ANXA3: variants seen among roughly 807,000 people sequenced by gnomAD.
ANXA3 encodes annexin A3, also known as 35-alpha calcimedin.
Under a neutral mutation model 48.8 loss-of-function variants are expected in ANXA3, and 46 were observed. That is an observed-to-expected ratio of 0.94 (90% CI 0.74 to 1.21). The LOEUF (loss-of-function observed/expected upper bound fraction) is 1.21, where lower values mean the gene tolerates loss of function less well. Among genes scored for constraint, ANXA3 ranks in the 50% most tolerant of loss-of-function variants. The pLI is 0.00. For missense variants in ANXA3, 383 were observed against 378.6 expected (o/e 1.01, Z -0.10); for synonymous variants, 128 against 134.7 (o/e 0.95, Z 0.35).
In ANXA3 at chr4:78,566,963, G is replaced by A. The variant is rs572369479; in HGVS notation, c.16-6217G>A. ...CCTGGCATATCTCAGGGATCCCAGC[G>A]TCTGCCAGTCTTGCCTGCTGTGGAC... On this transcript the variant is annotated intron_variant, in intron 2 of 12. Transcript: ENST00000264908. Among the ~76,000 whole-genome samples the A allele has an allele frequency of 4.3e-4, 65 of 152,284 alleles. No individual in the cohort carries two copies. The South Asian group carries it at 4.3e-3, about 10-fold the overall frequency.
intron 3 of ANXA3, among the ~76,000 whole-genome samples, chr4:78,574,467 T>A (rs776014914): frequency 2.0e-5 from 3 of 152,106 alleles, no homozygotes; most frequent in East Asian, 1.9e-4. Flanking sequence ...TCCCGTCAGT[T>A]CTTCCTGGAT....
chr4:78,579,347 G>T (rs932628640), intron 4 of ANXA3, among the ~76,000 whole-genome samples: 3 of 152,138 alleles, frequency 2.0e-5, no homozygotes, highest in Admixed American at 1.3e-4. Context: ...TCACCTGTAG[G>T]ATAAGGTTTG....
At chr4:78,608,769 T>G (rs1723701294) in intron 12 of ANXA3, among the ~76,000 whole-genome samples, 1 of 152,118 alleles carries the variant, frequency 6.6e-6, no homozygotes, top group African/African-American at 2.4e-5. Flanking sequence ...GGGGGGAGGT[T>G]TATGAGTTTG....
intron 10 of ANXA3, among the ~76,000 whole-genome samples, chr4:78,599,324 A>G (rs1723491503): frequency 6.6e-6 from 1 of 152,148 alleles, no homozygotes; most frequent in Non-Finnish European, 1.5e-5. Context: ...TCATTAATCT[A>G]CTTTCTGTCT....
chr4:78,586,965 A>G (rs1247574050), intron 6 of ANXA3, among the ~76,000 whole-genome samples: 1 of 152,208 alleles, frequency 6.6e-6, no homozygotes, highest in Non-Finnish European at 1.5e-5. Flanking sequence ...CCAGCTGGCT[A>G]CAAATTCAGG....
intron 2 of ANXA3, among the ~76,000 whole-genome samples, chr4:78,556,406 T>A (rs1722511482): frequency 6.6e-6 from 1 of 151,894 alleles, no homozygotes; most frequent in South Asian, 2.1e-4. Context: ...AAATAAAAAA[T>A]TTACGGAAAG....
chr4:78,565,420 A>G (rs1178412758), intron 2 of ANXA3, among the ~76,000 whole-genome samples: 1 of 152,228 alleles, frequency 6.6e-6, no homozygotes, highest in Non-Finnish European at 1.5e-5. Context: ...AGCAGGAGCA[A>G]AGAACCTGGG....
rs1220106430 is a variant in ANXA3, at chr4:78,578,298, CGAGAGA to C, written c.104-702_104-697del. Among the ~76,000 whole-genome samples the C allele has an allele frequency of 8.8e-4, 41 of 46,522 alleles. 1 individual carries two copies. Among genetic ancestry groups the C allele is most frequent in the Admixed American group, 3.0e-3 (10 of 3,374 alleles). The allele number at this position is 46,522 out of a possible 152,430, so 30.5% of individuals were successfully genotyped here. ...GAAAGGGCGAAGGGGAGAGAGAGAGCGAGAGAGAGAGAGAGAGAGAGAGAGAGAGAG... is the reference window on the plus strand; with the variant it reads ...GAAAGGGCGAAGGGGAGAGAGAGAGCGAGAGAGAGAGAGAGAGAGAGAGAG... On this transcript the variant is annotated intron_variant, in intron 3 of 12. Transcript: ENST00000264908.
chr4:78,554,429 T>G lies in ANXA3; in HGVS notation c.-38-7T>G. The stretch of plus-strand genomic sequence containing the variant: ...GATACCATTTACTAATTGTTTTCTT[T>G]TAATAGATTAGTGTGATCTCAGCTC... On this transcript the variant is annotated splice_region_variant and splice_polypyrimidine_tract_variant and intron_variant, in intron 1 of 12. Coordinates refer to ENST00000264908, the MANE Select transcript of ANXA3 (RefSeq NM_005139.3). The G allele has an allele frequency of 6.3e-7, 1 of 1,583,340 alleles. No homozygotes were observed. Among genetic ancestry groups the G allele is most frequent in the South Asian group, 1.1e-5 (1 of 90,530 alleles).
chr4:78,584,436 A>C (rs1723131907), intron 5 of ANXA3, among the ~76,000 whole-genome samples: 1 of 151,974 alleles, frequency 6.6e-6, no homozygotes, highest in African/African-American at 2.4e-5. Context: ...TCGGCCTCTC[A>C]AAGTACTGGA....
chr4:78,604,139 T>A (rs949501945), intron 11 of ANXA3, 138 bp from the exon 12 acceptor site: 6 of 757,664 alleles, frequency 7.9e-6, no homozygotes, highest in African/African-American at 1.8e-5. Context: ...TAATGAATGA[T>A]GAGTTTGATA....
At chr4:78,552,825 C>A (rs572815870) in intron 1 of ANXA3, among the ~76,000 whole-genome samples, 1 of 152,312 alleles carries the variant, frequency 6.6e-6, no homozygotes, top group South Asian at 2.1e-4. Flanking sequence ...CGGAAAACTT[C>A]AGACTGACCA....
chr4:78,569,520 C>T (rs1195974387), intron 2 of ANXA3, among the ~76,000 whole-genome samples: 3 of 152,268 alleles, frequency 2.0e-5, no homozygotes, highest in East Asian at 3.9e-4. Context: ...GAATTCATGG[C>T]TTGTTTGCTC....
intron 2 of ANXA3, among the ~76,000 whole-genome samples, chr4:78,565,646 C>G (rs1389106367): frequency 6.6e-6 from 1 of 152,202 alleles, no homozygotes; most frequent in Non-Finnish European, 1.5e-5. Context: ...GGTTCAAATC[C>G]TGGCTGTGCC....
At chr4:78,599,649 C>G (rs1723496147) in intron 10 of ANXA3, among the ~76,000 whole-genome samples, 3 of 152,130 alleles carry the variant, frequency 2.0e-5, no homozygotes, top group Admixed American at 1.3e-4. Flanking sequence ...AGTTCAAGAC[C>G]AGCCTGGGCA....
Position 78,582,211 on chromosome 4 carries a change from G to A in ANXA3, c.233G>A (p.Gly78Asp). The A allele has an allele frequency of 6.2e-7, 1 of 1,613,300 alleles. No individual in the cohort carries two copies. The highest frequency in any genetic ancestry group is 8.5e-7 in the Non-Finnish European group (1 of 1,179,444). The change falls in exon 5 of 13, where the codon GGC becomes GAC. Residue 78 changes from glycine (G) to aspartate (D), a missense_variant. Physicochemically the swap from Gly to Asp is moderately conservative, Grantham distance 94 (BLOSUM62 -1). Coordinates refer to ENST00000264908, the MANE Select transcript of ANXA3 (RefSeq NM_005139.3). ...GATGACTTGAAGGGTGATCTCTCTG[G>A]CCACTTTGAGCATCTCATGGTGGCC... Reference protein sequence around the residue: ...LKDDLKGDLSGHFEHLMVALV... With the variant: ...LKDDLKGDLSDHFEHLMVALV...
At chr4:78,596,609 T>C (rs1423568358) in intron 9 of ANXA3, among the ~76,000 whole-genome samples, 3 of 152,270 alleles carry the variant, frequency 2.0e-5, no homozygotes, top group African/African-American at 4.8e-5. Flanking sequence ...AATTGTTCTT[T>C]CTTAACTTTT....
chr4:78,578,561 CT>C (rs1486991157), intron 3 of ANXA3, among the ~76,000 whole-genome samples: 3 of 152,026 alleles, frequency 2.0e-5, no homozygotes, highest in Non-Finnish European at 4.4e-5. Flanking sequence ...CAGCGGGCCC[CT>C]GTGAATATTA....
At chr4:78,561,828 A>G (rs1390737) in intron 2 of ANXA3, among the ~76,000 whole-genome samples, 151,565 of 152,304 alleles carry the variant, frequency 1, 75,414 homozygotes, top group Middle Eastern at 1. Flanking sequence ...ATTCAGACAG[A>G]TACACAAATG....
Sources: allele counts gnomAD v4.1 joint callset (sites outside exome capture counted in the v4.1 genomes callset), GRCh38; gene constraint gnomAD v4.1.1; transcripts MANE v1.5; gene names NCBI Gene and HGNC (gene_info 2026-07-23, HGNC 2026-07-21).